The following GLI3 variants were observed in gnomAD, a reference collection of about 807,000 sequenced individuals.
The protein encoded by GLI3 is GLI family zinc finger 3, also known as transcription activator GLI3.
GLI3 carries 20 observed loss-of-function variants against 100.8 expected under a neutral mutation model. The observed-to-expected ratio is 0.20, with a 90% CI of 0.14 to 0.29. The LOEUF is 0.29. GLI3 is among the 10% of genes least tolerant of loss of function. The pLI is 1.00. For synonymous variants in GLI3, 938 were observed against 860.5 expected (o/e 1.09, Z -1.58); for missense variants, 2,040 against 2,128.5 (o/e 0.96, Z 0.82).
In GLI3 at chr7:41,962,947, A is replaced by T. The variant is rs1012360682; in HGVS notation, c.*1383T>A. Reference sequence around the variant, plus strand: ...TTTGTGCACACACAGTATGACTTTTATGTGTATCAAATGCACGTGGGGAGT... The same window carrying T: ...TTTGTGCACACACAGTATGACTTTTTTGTGTATCAAATGCACGTGGGGAGT... On this transcript the variant is annotated 3_prime_UTR_variant, in exon 15 of 15. Transcript: ENST00000395925. The T allele has an allele frequency of 1.3e-5, 2 of 152,210 alleles. No homozygotes were observed. The highest frequency in any genetic ancestry group is 2.9e-5 in the Non-Finnish European group (2 of 68,038). The allele number at this position is 152,210 out of a possible 1,614,324, so 9.4% of individuals were successfully genotyped here.
At chr7:42,072,076 T>C (rs1257029262) in intron 4 of GLI3, among the ~76,000 whole-genome samples, 1 of 152,260 alleles carries the variant, frequency 6.6e-6, no homozygotes, top group East Asian at 1.9e-4. Context: ...GTAAAGTGGA[T>C]GGTGAAATGC....
intron 2 of GLI3, among the ~76,000 whole-genome samples, chr7:42,202,336 T>C (rs1265622885): frequency 2.9e-5 from 1 of 34,290 alleles, no homozygotes; most frequent in Non-Finnish European, 7.9e-5. Flanking sequence ...TCTCTCTCTC[T>C]CTCTCTCTCT....
chr7:42,204,855 AAAGG>A (rs758051392), intron 2 of GLI3, among the ~76,000 whole-genome samples: 4 of 152,076 alleles, frequency 2.6e-5, no homozygotes, highest in African/African-American at 7.2e-5. Context: ...CTCCTTCGGG[AAAGG>A]AAGGAAGTTC....
chr7:41,988,721 T>C (rs1787898452), intron 10 of GLI3, among the ~76,000 whole-genome samples: 1 of 152,194 alleles, frequency 6.6e-6, no homozygotes, highest in Non-Finnish European at 1.5e-5. Flanking sequence ...AATTACCCAG[T>C]GTTAAGATAT....
chr7:42,114,652 AGTG>A (rs1785802673), intron 3 of GLI3, among the ~76,000 whole-genome samples: 1 of 152,116 alleles, frequency 6.6e-6, no homozygotes, highest in Non-Finnish European at 1.5e-5. Flanking sequence ...CCAGAAATCT[AGTG>A]GTGTAGGTAT....
intron 10 of GLI3, among the ~76,000 whole-genome samples, chr7:42,008,523 A>AG (rs930856068): frequency 6.6e-6 from 1 of 152,180 alleles, no homozygotes; most frequent in Non-Finnish European, 1.5e-5. Context: ...TGCTCACTGC[A>AG]GCCTTGAACT....
chr7:42,232,232 CA>C (rs901462594), intron 1 of GLI3, among the ~76,000 whole-genome samples: 1 of 152,080 alleles, frequency 6.6e-6, no homozygotes, highest in Non-Finnish European at 1.5e-5. Context: ...CATGCCACAA[CA>C]AAACCACAGT....
chr7:42,197,287 C>T (rs1175888515), intron 2 of GLI3, among the ~76,000 whole-genome samples: 1 of 152,206 alleles, frequency 6.6e-6, no homozygotes, highest in Non-Finnish European at 1.5e-5. Context: ...ATAAAAATCA[C>T]TCCATTTTTA....
At chr7:42,168,569 A>G (rs1787293245) in intron 2 of GLI3, among the ~76,000 whole-genome samples, 1 of 152,276 alleles carries the variant, frequency 6.6e-6, no homozygotes, top group South Asian at 2.1e-4. Context: ...TCTCGTAAAC[A>G]TAATGTAGAC....
chr7:41,974,223 A>T (rs1221480168), intron 12 of GLI3, among the ~76,000 whole-genome samples: 1 of 152,172 alleles, frequency 6.6e-6, no homozygotes, highest in Non-Finnish European at 1.5e-5. Flanking sequence ...ATGAGATACA[A>T]ATGTGTCGGC....
chr7:42,219,853 C>CTTTT (rs769305998), intron 2 of GLI3, among the ~76,000 whole-genome samples: 1 of 133,730 alleles, frequency 7.5e-6, no homozygotes, highest in African/African-American at 2.8e-5. Flanking sequence ...AAACTGAACT[C>CTTTT]TTTTTTTTTT....
At chr7:42,262,277 T>G (rs1010633417) in intron 1 of GLI3, among the ~76,000 whole-genome samples, 1 of 111,612 alleles carries the variant, frequency 9.0e-6, no homozygotes, top group African/African-American at 3.1e-5. Context: ...TCCTTCTTTC[T>G]TTCATAGGGT....
At chr7:42,129,543 G>A (rs1284530789) in intron 3 of GLI3, among the ~76,000 whole-genome samples, 2 of 152,148 alleles carry the variant, frequency 1.3e-5, no homozygotes, top group African/African-American at 4.8e-5. Flanking sequence ...GGGCGCGGTG[G>A]CTCACGCCTG....
intron 4 of GLI3, among the ~76,000 whole-genome samples, chr7:42,053,585 A>T (rs1459809856): frequency 6.6e-6 from 1 of 152,218 alleles, no homozygotes; most frequent in East Asian, 1.9e-4. Context: ...TAGTGCCAGG[A>T]AAAAAACTGT....
At chr7:42,002,416 T>C (rs923069298) in intron 10 of GLI3, among the ~76,000 whole-genome samples, 1 of 151,984 alleles carries the variant, frequency 6.6e-6, no homozygotes, top group African/African-American at 2.4e-5. Context: ...AAACATAAAG[T>C]AAAACCTGTT....
chr7:41,977,654 T>C lies in GLI3; in HGVS notation c.1716A>G (p.Gly572=). Residue 572 remains glycine (G), a synonymous_variant, in exon 12 of 15, where the codon GGA becomes GGG. Coordinates refer to ENST00000395925, the MANE Select transcript of GLI3 (RefSeq NM_000168.6). ...NLKTHLRSHT[G]EKPYVCEHEG... The stretch of plus-strand genomic sequence containing the variant: ...CGTGCTCACAGACGTATGGTTTCTC[T>C]CCAGTGTGAGATCTCAAGTGTGTTT... The C allele has an allele frequency of 1.9e-6, 3 of 1,613,994 alleles. No individual in the cohort carries two copies. The highest frequency in any genetic ancestry group is 2.5e-6 in the Non-Finnish European group (3 of 1,179,852).
chr7:42,026,196 C>A lies in GLI3; in HGVS notation c.1242+3G>T. 6.2e-7 allele frequency: 1 copy of A among 1,608,628 alleles called. No individual in the cohort carries two copies. Among genetic ancestry groups the A allele is most frequent in the South Asian group, 1.1e-5 (1 of 90,360 alleles). On this transcript the variant is annotated splice_donor_region_variant and intron_variant, in intron 8 of 14. Coordinates refer to ENST00000395925, the MANE Select transcript of GLI3 (RefSeq NM_000168.6). ...GCCGGGTGCATCGACCTGTCCCTCTCACCTGTGAGGACTCAGAAGGGCCGG... is the reference window on the plus strand; with the variant it reads ...GCCGGGTGCATCGACCTGTCCCTCTAACCTGTGAGGACTCAGAAGGGCCGG...
Position 42,045,389 on chromosome 7 carries a change from A to G in GLI3, c.821T>C (p.Met274Thr). Residue 274 changes from methionine to threonine, a missense_variant, in exon 6 of 15, where the codon ATG becomes ACG. By Grantham distance (81) the Met-to-Thr change is moderately conservative (BLOSUM62 -1). This residue lies in a region of GLI3 where 603 missense variants were observed against 690.9 expected (regional missense o/e 0.87). Transcript: ENST00000395925. ...GAIHMEYLHA[M>T]DSTRFSSPRL... ...AAACCAGCCCCGTCACTTACTATCC[A>G]TAGCATGAAGATATTCCATGTGGAT... The G allele has an allele frequency of 1.2e-6, 2 of 1,613,930 alleles. No homozygotes were observed. Among genetic ancestry groups the G allele is most frequent in the Non-Finnish European group, 1.7e-6 (2 of 1,179,786 alleles).
intron 2 of GLI3, among the ~76,000 whole-genome samples, chr7:42,170,287 T>TACACACACACAC (rs1391940438): frequency 8.1e-6 from 1 of 124,004 alleles, no homozygotes; most frequent in African/African-American, 3.1e-5. Flanking sequence ...TATATATATA[T>TACACACACACAC]ACACACACAT....
Sources: gnomAD v4.1 joint callset for allele counts (sites outside exome capture counted in the v4.1 genomes callset) on GRCh38, gnomAD v4.1.1 for gene constraint, gnomAD v4.1.1 regional missense constraint, MANE v1.5 for transcripts, NCBI Gene and HGNC (gene_info 2026-07-23, HGNC 2026-07-21) for gene names.